Variants in C6orf118 observed in about 807,000 individuals in gnomAD.
The protein encoded by C6orf118 is uncharacterized protein C6orf118.
Under a neutral mutation model 50.2 loss-of-function variants are expected in C6orf118, and 50 were observed. The observed-to-expected ratio is 1.00, with a 90% confidence interval of 0.79 to 1.26. The LOEUF is 1.26. Ranked by LOEUF, C6orf118 falls within the 50% of genes most tolerant of loss-of-function variation. C6orf118 has a pLI of 0.00. For missense variants in C6orf118, 641 were observed against 578.7 expected (o/e 1.11, Z -1.10); for synonymous variants, 239 against 230.9 (o/e 1.03, Z -0.32).
chr6:165,299,663 A>G (rs1780444291), intron 3 of C6orf118, among the ~76,000 whole-genome samples, 161 bp from the exon 4 acceptor site: 1 of 152,244 alleles, frequency 6.6e-6, no homozygotes, highest in Non-Finnish European at 1.5e-5. Flanking sequence ...ACATGCTCAC[A>G]TTGATAAAAT....
chr6:165,296,837 C>T (rs1780328034), intron 5 of C6orf118, among the ~76,000 whole-genome samples: 1 of 152,186 alleles, frequency 6.6e-6, no homozygotes, highest in Admixed American at 6.5e-5. Context: ...ACCTGATGGA[C>T]ACACTTGAAT....
At chr6:165,300,573 CT>C (rs1341069519) in intron 2 of C6orf118, 87 bp from the exon 3 acceptor site, 1 of 1,328,090 alleles carries the variant, frequency 7.5e-7, no homozygotes, top group African/African-American at 1.5e-5. Context: ...GAGGACACAG[CT>C]GCCATCACCC....
chr6:165,280,605 G>C (rs1779696259), intron 8 of C6orf118, among the ~76,000 whole-genome samples: 1 of 152,202 alleles, frequency 6.6e-6, no homozygotes, highest in African/African-American at 2.4e-5. Flanking sequence ...TCTTACGGCT[G>C]AGAGTGACCT....
chr6:165,308,351 G>A (rs1043805789), intron 1 of C6orf118, among the ~76,000 whole-genome samples: 4 of 152,126 alleles, frequency 2.6e-5, no homozygotes, highest in African/African-American at 7.2e-5. Flanking sequence ...GAAGAAAGGG[G>A]GTCAGGGAAG....
Position 165,279,857 on chromosome 6 carries a change from T to C in C6orf118, c.*200A>G. 3 of 460,344 alleles carry C rather than the reference T, an allele frequency of 6.5e-6. No homozygotes were observed. The highest frequency in any genetic ancestry group is 8.4e-5 in the Admixed American group (2 of 23,810). The allele number at this position is 460,344 out of a possible 1,614,324, so 28.5% of individuals were successfully genotyped here. On this transcript the variant is annotated 3_prime_UTR_variant, in exon 9 of 9. Coordinates refer to ENST00000230301, the MANE Select transcript of C6orf118 (RefSeq NM_144980.4). ...GAACTAGTATTGTTGTAAATATGTATGCAACAGAAACTAATCATGTGTACG... is the reference window on the plus strand; with the variant it reads ...GAACTAGTATTGTTGTAAATATGTACGCAACAGAAACTAATCATGTGTACG...
chr6:165,309,433 C>T, intron 1 of C6orf118, 129 bp downstream of exon 1: 5 of 1,105,250 alleles, frequency 4.5e-6, no homozygotes, highest in Non-Finnish European at 6.7e-6. Flanking sequence ...CCCTAGTGAC[C>T]CTGGAGCCGG....
chr6:165,295,659 TTC>T (rs540515952), intron 5 of C6orf118, among the ~76,000 whole-genome samples: 401 of 63,736 alleles, frequency 6.3e-3, no homozygotes, highest in African/African-American at 0.014. Context: ...GTTTTTTTTT[TTC>T]GGTGTTGTTT....
chr6:165,306,535 CAAAAAAAAA>C (rs60755206), intron 1 of C6orf118, among the ~76,000 whole-genome samples: 4,203 of 39,944 alleles, frequency 0.11, 91 homozygotes, highest in Middle Eastern at 0.16. Flanking sequence ...TAGGTGAATG[CAAAAAAAAA>C]AAAAAAAAAA....
chr6:165,298,233 T>C (rs1480285776), intron 4 of C6orf118, 132 bp from the exon 5 acceptor site: 3 of 1,180,192 alleles, frequency 2.5e-6, no homozygotes, highest in Middle Eastern at 2.9e-4. Flanking sequence ...AATAGGTAAA[T>C]TGGGAGGATT....
intron 7 of C6orf118, 66 bp from the exon 8 acceptor site, chr6:165,281,759 A>G (rs1309009393): frequency 1.0e-6 from 1 of 1,001,876 alleles, no homozygotes; most frequent in East Asian, 3.0e-5. Context: ...ATTTTTCTCT[A>G]TTTAACAAGA....
intron 3 of C6orf118, among the ~76,000 whole-genome samples, chr6:165,299,752 A>G (rs139718451): frequency 2.6e-5 from 4 of 152,330 alleles, no homozygotes; most frequent in Non-Finnish European, 5.9e-5. Flanking sequence ...AATAAAATAT[A>G]AAATATTGAG....
At chr6:165,293,504 T>C (rs1250360837) in intron 5 of C6orf118, 33 bp from the exon 6 acceptor site, 1 of 1,568,370 alleles carries the variant, frequency 6.4e-7, no homozygotes, top group African/African-American at 1.4e-5. Flanking sequence ...AGGGAAATAT[T>C]AGATCCCCAT....
At chr6:165,291,016 C>T (rs1780087424) in intron 6 of C6orf118, among the ~76,000 whole-genome samples, 1 of 152,154 alleles carries the variant, frequency 6.6e-6, no homozygotes, top group Non-Finnish European at 1.5e-5. Context: ...GCTGATAAAA[C>T]CATCAGATCT....
chr6:165,285,446 T>A (rs1779868663), intron 7 of C6orf118, among the ~76,000 whole-genome samples: 1 of 152,136 alleles, frequency 6.6e-6, no homozygotes, highest in Admixed American at 6.5e-5. Context: ...TCAGATCAAG[T>A]GGACCTGATA....
intron 1 of C6orf118, among the ~76,000 whole-genome samples, chr6:165,308,047 G>A (rs1010954526): frequency 1.3e-5 from 2 of 152,216 alleles, no homozygotes; most frequent in Non-Finnish European, 2.9e-5. Flanking sequence ...CCAGGAACCT[G>A]GAAATCCCAC....
intron 6 of C6orf118, among the ~76,000 whole-genome samples, chr6:165,292,847 G>A (rs892544975): frequency 1.6e-4 from 24 of 152,102 alleles, no homozygotes; most frequent in Non-Finnish European, 2.9e-5. Flanking sequence ...GGAAAAAGGC[G>A]GTAAAAGCAC....
intron 6 of C6orf118, among the ~76,000 whole-genome samples, chr6:165,292,954 A>T (rs560932663): frequency 8.5e-5 from 13 of 152,300 alleles, no homozygotes; most frequent in Non-Finnish European, 1.8e-4. Context: ...AGTATCTAAA[A>T]ACAGAGTATG....
At chr6:165,282,823 G>A (rs1482578356) in intron 7 of C6orf118, among the ~76,000 whole-genome samples, 1 of 151,992 alleles carries the variant, frequency 6.6e-6, no homozygotes, top group Non-Finnish European at 1.5e-5. Flanking sequence ...AATCTTCATA[G>A]GGAGTTTTCT....
At chr6:165,292,823 A>C (rs1780149550) in intron 6 of C6orf118, among the ~76,000 whole-genome samples, 1 of 152,196 alleles carries the variant, frequency 6.6e-6, no homozygotes, top group Admixed American at 6.5e-5. Context: ...GAAAAGAGGA[A>C]ACAGGCAGCA....
Sources: gnomAD v4.1 joint callset for allele counts (sites outside exome capture counted in the v4.1 genomes callset) on GRCh38, gnomAD v4.1.1 for gene constraint, MANE v1.5 for transcripts, NCBI Gene and HGNC (gene_info 2026-07-23, HGNC 2026-07-21) for gene names.